The following TOM1L2 variants were observed in gnomAD, a reference collection of about 807,000 sequenced individuals.
TOM1L2 encodes TOM1-like protein 2.
In TOM1L2, 31 loss-of-function variants were observed where a neutral mutation model predicts 67.9. The observed-to-expected ratio is 0.46, with a 90% CI of 0.34 to 0.62. The LOEUF is 0.62. TOM1L2 is among the 20% of genes least tolerant of loss of function. TOM1L2 has a pLI of 0.01. For synonymous variants in TOM1L2, 256 were observed against 254.0 expected (o/e 1.01, Z -0.07); for missense variants, 606 against 663.5 (o/e 0.91, Z 0.95).
intron 8 of TOM1L2, among the ~76,000 whole-genome samples, chr17:17,868,677 G>A (rs553890199): frequency 6.6e-6 from 1 of 152,218 alleles, no homozygotes; most frequent in African/African-American, 2.4e-5. Context: ...TTAAAACTAG[G>A]TCTAAATAAG....
intron 1 of TOM1L2, among the ~76,000 whole-genome samples, chr17:17,938,548 C>T (rs940014864): frequency 7.9e-5 from 12 of 152,162 alleles, no homozygotes; most frequent in Non-Finnish European, 1.0e-4. Flanking sequence ...GGAGTGACGA[C>T]GTGCTCTGGA....
At chr17:17,954,529 T>G (rs1472900420) in intron 1 of TOM1L2, among the ~76,000 whole-genome samples, 1 of 152,160 alleles carries the variant, frequency 6.6e-6, no homozygotes, top group Non-Finnish European at 1.5e-5. Context: ...GCCAGGCTAG[T>G]CTCGAACTAC....
chr17:17,894,991 G>A (rs1198722498), intron 3 of TOM1L2, among the ~76,000 whole-genome samples: 1 of 151,936 alleles, frequency 6.6e-6, no homozygotes, highest in African/African-American at 2.4e-5. Context: ...ATGCATGCAT[G>A]CATAAAATAA....
intron 4 of TOM1L2, among the ~76,000 whole-genome samples, chr17:17,887,008 G>A (rs2038032875): frequency 6.6e-6 from 1 of 152,256 alleles, no homozygotes; most frequent in African/African-American, 2.4e-5. Flanking sequence ...ATGTTCTCCA[G>A]AAGGAGCAGC....
chr17:17,906,165 G>A (rs569488963), intron 2 of TOM1L2, among the ~76,000 whole-genome samples: 1 of 136,418 alleles, frequency 7.3e-6, no homozygotes, highest in South Asian at 2.3e-4. Flanking sequence ...GTTTTTCTCT[G>A]TCACCAAAAC....
intron 7 of TOM1L2, among the ~76,000 whole-genome samples, chr17:17,872,536 G>C (rs2037203987): frequency 6.6e-6 from 1 of 152,222 alleles, no homozygotes; most frequent in Non-Finnish European, 1.5e-5. Context: ...GTGCAGGATG[G>C]AAAAGGGAGG....
chr17:17,888,836 T>C (rs1299089397), intron 4 of TOM1L2, among the ~76,000 whole-genome samples: 1 of 152,224 alleles, frequency 6.6e-6, no homozygotes, highest in African/African-American at 2.4e-5. Context: ...AGCATCCTTT[T>C]TGTCTTCTCA....
At chr17:17,904,728 A>T (rs969820373) in intron 2 of TOM1L2, among the ~76,000 whole-genome samples, 1 of 151,644 alleles carries the variant, frequency 6.6e-6, no homozygotes, top group Non-Finnish European at 1.5e-5. Flanking sequence ...CGGATTCCAG[A>T]CCCTCCCGCT....
chr17:17,905,201 C>A (rs1364548852), intron 2 of TOM1L2, among the ~76,000 whole-genome samples: 1 of 152,196 alleles, frequency 6.6e-6, no homozygotes, highest in African/African-American at 2.4e-5. Context: ...TGAAAATATG[C>A]CACCTTTCAC....
chr17:17,970,226 C>CT (rs112968102), intron 1 of TOM1L2, among the ~76,000 whole-genome samples: 4,873 of 144,674 alleles, frequency 0.034, 249 homozygotes, highest in African/African-American at 0.1. Flanking sequence ...GGCTAATTTT[C>CT]TTTTTTTTTT....
At chr17:17,936,312 T>C (rs1035527531) in intron 1 of TOM1L2, among the ~76,000 whole-genome samples, 1 of 152,224 alleles carries the variant, frequency 6.6e-6, no homozygotes, top group Admixed American at 6.5e-5. Context: ...CTAAAACCCT[T>C]CTTCCAGGAA....
At chr17:17,892,050 T>G (rs2038314483) in intron 4 of TOM1L2, among the ~76,000 whole-genome samples, 1 of 152,052 alleles carries the variant, frequency 6.6e-6, no homozygotes, top group African/African-American at 2.4e-5. Flanking sequence ...ACAAAAGAAA[T>G]GTTAGCAAAG....
Position 17,845,282 on chromosome 17 carries a change from A to G in TOM1L2, c.*2353T>C. 6.6e-6 allele frequency: 1 copy of G among 152,316 alleles called. No individual in the cohort carries two copies. Among genetic ancestry groups the G allele is most frequent in the Non-Finnish European group, 1.5e-5 (1 of 68,016 alleles). 9.4% of individuals were successfully genotyped at this position (152,316 alleles called of 1,614,324 possible). On this transcript the variant is annotated 3_prime_UTR_variant, in exon 15 of 15. Coordinates refer to ENST00000379504, the MANE Select transcript of TOM1L2 (RefSeq NM_001082968.2). ...CCAATGGCCTCCTGCCAGCCCATAC[A>G]GGTCCACCACTCCCTGCTGCCCCTG...
chr17:17,892,928 G>A (rs1289207987), intron 4 of TOM1L2, among the ~76,000 whole-genome samples: 1 of 152,196 alleles, frequency 6.6e-6, no homozygotes, highest in Non-Finnish European at 1.5e-5. Flanking sequence ...CACCATGGTG[G>A]AAGTGGAGCC....
At chr17:17,969,055 TC>T (rs1371430070) in intron 1 of TOM1L2, among the ~76,000 whole-genome samples, 2 of 147,848 alleles carry the variant, frequency 1.4e-5, no homozygotes, top group Non-Finnish European at 3.0e-5. Flanking sequence ...GGACCAGCTC[TC>T]CTTTTTTTTT....
intron 9 of TOM1L2, 140 bp from the exon 10 acceptor site, chr17:17,866,559 C>T (rs1028489304): frequency 1.6e-5 from 18 of 1,154,634 alleles, no homozygotes; most frequent in East Asian, 5.2e-5. Context: ...CCACTTCCCC[C>T]ACCTGCCTTC....
chr17:17,862,575 G>A, intron 11 of TOM1L2, 156 bp downstream of exon 11: 1 of 667,976 alleles, frequency 1.5e-6, no homozygotes, highest in South Asian at 1.8e-5. Flanking sequence ...TATTTATTCA[G>A]TATCTGCATC....
chr17:17,890,738 G>A (rs535805763), intron 4 of TOM1L2, among the ~76,000 whole-genome samples: 2 of 152,308 alleles, frequency 1.3e-5, no homozygotes, highest in South Asian at 4.1e-4. Flanking sequence ...GGGAGGTTTT[G>A]GGTGTGGTCA....
At chr17:17,861,806 A>G (rs2036574582) in intron 11 of TOM1L2, 1 of 444,732 alleles carries the variant, frequency 2.2e-6, no homozygotes, top group South Asian at 3.1e-5. Context: ...TGTGCACCTC[A>G]ACATCCCTCT....
Sources: gnomAD v4.1 joint callset for allele counts (sites outside exome capture counted in the v4.1 genomes callset) on GRCh38, gnomAD v4.1.1 for gene constraint, MANE v1.5 for transcripts, NCBI Gene and HGNC (gene_info 2026-07-23, HGNC 2026-07-21) for gene names.